Variants in NAA25 observed in about 807,000 individuals in gnomAD.
The protein encoded by NAA25 is N-terminal acetyltransferase B complex subunit NAA25.
A neutral mutation model predicts 132.5 loss-of-function variants in NAA25; 30 were observed. That is an observed-to-expected ratio of 0.23 (90% CI 0.17 to 0.31). The LOEUF (loss-of-function observed/expected upper bound fraction) is 0.31. NAA25 is among the 10% of genes least tolerant of loss of function. NAA25 has a pLI of 1.00. For synonymous variants in NAA25, 359 were observed against 401.9 expected (o/e 0.89, Z 1.28); for missense variants, 771 against 1,150.4 (o/e 0.67, Z 4.77).
In NAA25 at chr12:112,043,327, TA is replaced by T. The variant is rs1191572843; in HGVS notation, c.2251-117del. 6.9e-5 allele frequency: 74 copies of T among 1,076,400 alleles called. 1 individual carries two copies. The South Asian group carries it at 1.3e-3, about 19-fold the overall frequency. The allele number at this position is 1,076,400 out of a possible 1,614,324, so 66.7% of individuals were successfully genotyped here. On this transcript the variant is annotated intron_variant, in intron 18 of 23. Transcript: ENST00000261745. ...TCTCAGCGGTTCAGCTAAAAGCCAC[TA>T]ATCAGCAAACTAATAACTGAATCAT...
At chr12:112,053,010 G>A (rs2078489782) in intron 15 of NAA25, among the ~76,000 whole-genome samples, 1 of 152,158 alleles carries the variant, frequency 6.6e-6, no homozygotes, top group African/African-American at 2.4e-5. Flanking sequence ...AAAATATGGT[G>A]CAAATCCCAT....
chr12:112,035,858 A>T lies in NAA25; in HGVS notation c.2650-2479T>A, dbSNP rs544004426. Among the ~76,000 whole-genome samples, 6 of 151,676 alleles carry T rather than the reference A, an allele frequency of 4.0e-5. No individual in the cohort carries two copies. In the South Asian group the frequency reaches 6.3e-4, roughly 16 times the overall value. On this transcript the variant is annotated intron_variant, in intron 22 of 23. Transcript: ENST00000261745. ...CACCATGCCCAACTAATTTTTAAAA[A>T]TTTTTTTGTTAAGACAGGGTCTCAT...
At chr12:112,052,125 G>A (rs1393334013) in intron 15 of NAA25, among the ~76,000 whole-genome samples, 5 of 152,102 alleles carry the variant, frequency 3.3e-5, no homozygotes, top group African/African-American at 1.2e-4. Flanking sequence ...ATAATGAGAT[G>A]AGGAAACCAA....
At chr12:112,075,337 C>T (rs1258097468) in intron 8 of NAA25, among the ~76,000 whole-genome samples, 1 of 152,066 alleles carries the variant, frequency 6.6e-6, no homozygotes, top group African/African-American at 2.4e-5. Context: ...TACAGGCACG[C>T]ACCACCACAA....
intron 8 of NAA25, 46 bp downstream of exon 8, chr12:112,075,632 A>T (rs1467833370): frequency 6.7e-7 from 1 of 1,493,028 alleles, no homozygotes; most frequent in African/African-American, 1.4e-5. Flanking sequence ...GTGAGGTCTT[A>T]AAGCCTCACT....
Position 112,108,746 on chromosome 12 carries a change from G to C in NAA25, c.28C>G (p.Pro10Ala), listed in dbSNP as rs1446614842. ...ATGGGCCGGAGGCGCCTGTCGTTAGGGTCCTGCACATGGCCCCGCGTCGCC... is the reference window on the plus strand; with the variant it reads ...ATGGGCCGGAGGCGCCTGTCGTTAGCGTCCTGCACATGGCCCCGCGTCGCC... Reference protein sequence around the residue: MATRGHVQDPNDRRLRPIYD... With the variant: MATRGHVQDANDRRLRPIYD... The change falls in exon 1 of 24, where the codon CCT (proline) becomes GCT (alanine). Residue 10 changes from proline to alanine, a missense_variant. Pro to Ala is a conservative substitution (Grantham distance 27). Coordinates refer to ENST00000261745, the MANE Select transcript of NAA25 (RefSeq NM_024953.4). The C allele has an allele frequency of 6.5e-7, 1 of 1,528,442 alleles. No homozygotes were observed. Among genetic ancestry groups the C allele is most frequent in the African/African-American group, 1.4e-5 (1 of 71,408 alleles). The allele number at this position is 1,528,442 out of a possible 1,614,324, so 94.7% of individuals were successfully genotyped here.
chr12:112,063,258 C>T (rs907971771), intron 11 of NAA25, among the ~76,000 whole-genome samples: 2 of 152,106 alleles, frequency 1.3e-5, no homozygotes, highest in Non-Finnish European at 2.9e-5. Flanking sequence ...TTGGAAGACT[C>T]AGAGACTAAG....
chr12:112,072,608 CA>C (rs1300393592), intron 9 of NAA25, among the ~76,000 whole-genome samples: 168 of 86,240 alleles, frequency 1.9e-3, no homozygotes, highest in Admixed American at 2.8e-3. Flanking sequence ...GATTCCATCT[CA>C]AAAAAAAAAA....
intron 1 of NAA25, among the ~76,000 whole-genome samples, chr12:112,094,215 T>C (rs1304868008): frequency 1.6e-5 from 2 of 125,610 alleles, no homozygotes; most frequent in African/African-American, 3.2e-5. Flanking sequence ...CACTCCAGCC[T>C]AGGCGACAGA....
intron 17 of NAA25, among the ~76,000 whole-genome samples, chr12:112,045,349 C>T (rs931898686): frequency 1.3e-5 from 2 of 150,994 alleles, no homozygotes; most frequent in East Asian, 2.0e-4. Context: ...AAAAATTAGC[C>T]GGCCGTGGTG....
chr12:112,098,046 G>T (rs182560386), intron 1 of NAA25, among the ~76,000 whole-genome samples: 1 of 150,264 alleles, frequency 6.7e-6, no homozygotes, highest in African/African-American at 2.5e-5. Flanking sequence ...ACTTGAACCC[G>T]GGAGGCGGAG....
At position 112,039,271 on chromosome 12, in the gene NAA25, T is replaced by C; in HGVS notation, c.2607A>G (p.Leu869=). 1 of 1,607,930 alleles carries C rather than the reference T, an allele frequency of 6.2e-7. No individual in the cohort carries two copies. Among genetic ancestry groups the C allele is most frequent in the Non-Finnish European group, 8.5e-7 (1 of 1,177,570 alleles). ...CTTTTTTCTTCTTTTTCTTTTTCTG[T>C]AAATTTAGTTTGTATGGTCGTAGGA... ...ESVLRPYKLN[L]QKKKKKKKET... Residue 869 remains leucine (L), a synonymous_variant, in exon 22 of 24, where the codon TTA becomes TTG. Coordinates refer to ENST00000261745, the MANE Select transcript of NAA25 (RefSeq NM_024953.4).
chr12:112,029,412 T>G lies in NAA25; in HGVS notation c.*119A>C, dbSNP rs933193626. ...TAAAAAAATTCACGATCAAAGTCCT[T>G]CATGCATTTTATGAGGAAGTTCTGG... On this transcript the variant is annotated 3_prime_UTR_variant, in exon 24 of 24. Transcript: ENST00000261745. 1 of 1,493,422 alleles carries G rather than the reference T, an allele frequency of 6.7e-7. No individual in the cohort carries two copies. Among genetic ancestry groups the G allele is most frequent in the South Asian group, 1.3e-5 (1 of 79,130 alleles). The allele number at this position is 1,493,422 out of a possible 1,614,324, so 92.5% of individuals were successfully genotyped here. A position where few individuals can be genotyped will look rare whatever the true frequency, so the allele number is the denominator to read the frequency against.
At chr12:112,046,146 G>A (rs1415764686) in intron 17 of NAA25, among the ~76,000 whole-genome samples, 1 of 152,192 alleles carries the variant, frequency 6.6e-6, no homozygotes, top group Non-Finnish European at 1.5e-5. Flanking sequence ...AAACCATGTT[G>A]TTTATGGTGA....
At chr12:112,055,760 CTT>C (rs1301804074) in intron 13 of NAA25, among the ~76,000 whole-genome samples, 2 of 151,928 alleles carry the variant, frequency 1.3e-5, no homozygotes, top group Non-Finnish European at 2.9e-5. Flanking sequence ...GATAAGAGTG[CTT>C]TTGAGGTCCA....
chr12:112,093,757 G>A (rs2079171948), intron 1 of NAA25, among the ~76,000 whole-genome samples: 1 of 151,908 alleles, frequency 6.6e-6, no homozygotes, highest in Non-Finnish European at 1.5e-5. Context: ...CCATGCACCT[G>A]TAATCCCAGC....
chr12:112,087,872 T>A, intron 3 of NAA25, 71 bp from the exon 4 acceptor site: 1 of 1,027,808 alleles, frequency 9.7e-7, no homozygotes, highest in Non-Finnish European at 1.5e-6. Flanking sequence ...GTTCTTCCTA[T>A]TTGGCAGAAA....
At chr12:112,045,299 G>C (rs528777122) in intron 17 of NAA25, among the ~76,000 whole-genome samples, 343 of 151,940 alleles carry the variant, frequency 2.3e-3, no homozygotes, top group African/African-American at 7.2e-3. Flanking sequence ...AGACCATCCT[G>C]GCTAACACAG....
chr12:112,043,525 A>T lies in NAA25; in HGVS notation c.2250+100T>A, dbSNP rs1283121001. The T allele has an allele frequency of 3.6e-6, 5 of 1,375,948 alleles. No homozygotes were observed. The African/African-American group carries it at 4.3e-5, about 12-fold the overall frequency. The allele number at this position is 1,375,948 out of a possible 1,614,324, so 85.2% of individuals were successfully genotyped here. A position where few individuals can be genotyped will look rare whatever the true frequency, so the allele number is the denominator to read the frequency against. ...TCCTGCAGAAGCCATAAACTGGGAC[A>T]AAACAATTCCTTACTACTCACCCAC... On this transcript the variant is annotated intron_variant, in intron 18 of 23. Coordinates refer to ENST00000261745, the MANE Select transcript of NAA25 (RefSeq NM_024953.4).
Sources: allele counts gnomAD v4.1 joint callset (sites outside exome capture counted in the v4.1 genomes callset), GRCh38; gene constraint gnomAD v4.1.1; transcripts MANE v1.5; gene names NCBI Gene and HGNC (gene_info 2026-07-23, HGNC 2026-07-21).